SRRM1: variants seen among roughly 807,000 people sequenced by gnomAD.
The protein encoded by SRRM1 is serine and arginine repetitive matrix 1.
In SRRM1, 19 loss-of-function variants were observed where a neutral mutation model predicts 110.2. That is an observed-to-expected ratio of 0.17 (90% CI 0.12 to 0.25). The LOEUF (loss-of-function observed/expected upper bound fraction) is 0.25, where lower values mean the gene tolerates loss of function less well. SRRM1 is among the 10% of genes least tolerant of loss of function. The pLI, the probability that SRRM1 is intolerant of heterozygous loss-of-function variation, is 1.00. For synonymous variants in SRRM1, 443 were observed against 414.9 expected, an observed-to-expected ratio of 1.07 and a Z score of -0.82; for missense variants, 918 against 1,145.8, an observed-to-expected ratio of 0.80 and a Z score of 2.87.
intron 6 of SRRM1, 109 bp downstream of exon 6, chr1:24,651,721 T>G: frequency 4.2e-6 from 4 of 941,424 alleles, no homozygotes; most frequent in Non-Finnish European, 6.3e-6. Context: ...TTTAGATTTT[T>G]TAAATTATAA....
At chr1:24,653,164 A>G in intron 8 of SRRM1, 132 bp downstream of exon 8, 2 of 861,800 alleles carry the variant, frequency 2.3e-6, no homozygotes, top group Non-Finnish European at 3.4e-6. Flanking sequence ...TCTTCTAAAG[A>G]GTCTGTTTCA....
At chr1:24,661,136 A>G (rs1187553573) in intron 10 of SRRM1, among the ~76,000 whole-genome samples, 174 bp from the exon 11 acceptor site, 1 of 152,130 alleles carries the variant, frequency 6.6e-6, no homozygotes, top group African/African-American at 2.4e-5. Context: ...TTTGGTGAAG[A>G]TAGTCTAAAT....
rs564225598 is a variant in SRRM1, at chr1:24,661,507, C to CTT, written c.1483+112_1483+113insTT. On this transcript the variant is annotated intron_variant, in intron 11 of 16. Transcript: ENST00000323848. ...AGTACTTACTTGCCTACATAGAAAT[C>CTT]TGTCTGAGGAGGCAGGATTGTTTCT... 69 of 701,366 alleles carry CTT rather than the reference C, an allele frequency of 9.8e-5. 2 individuals are homozygous for CTT. The South Asian group carries it at 2.0e-3, about 20-fold the overall frequency. 43.4% of individuals were successfully genotyped at this position (701,366 alleles called of 1,614,324 possible).
intron 12 of SRRM1, chr1:24,663,037 T>C: frequency 1.1e-6 from 1 of 943,740 alleles, no homozygotes; most frequent in Non-Finnish European, 1.5e-6. Context: ...TGTGCATGAT[T>C]AGAAAAATAA....
At position 24,663,419 on chromosome 1, in the gene SRRM1, T is replaced by C. The variant is rs916599421; in HGVS notation, c.1628+615T>C. ...ATGATAGGGAGAATTATACATGAGC[T>C]ATTTGGTTTAGACCCTTATTTGAAC... On this transcript the variant is annotated intron_variant, in intron 12 of 16. Transcript: ENST00000323848. Among the ~76,000 whole-genome samples, 35 of 152,218 alleles carry C rather than the reference T, an allele frequency of 2.3e-4. 1 individual carries two copies. The highest frequency in any genetic ancestry group is 4.4e-5 in the Non-Finnish European group (3 of 68,044).
chr1:24,671,447 A>G lies in SRRM1; in HGVS notation c.2462A>G (p.Lys821Arg). 1.9e-6 allele frequency: 3 copies of G among 1,613,636 alleles called. No homozygotes were observed. The highest frequency in any genetic ancestry group is 2.5e-6 in the Non-Finnish European group (3 of 1,179,866). The stretch of plus-strand genomic sequence containing the variant: ...AAAAAGAAGGACAAGAAACACAAAA[A>G]GGATAAGAAGCACAAGAAGCACAAA... ...KKKKKDKKHK[K>R]DKKHKKHKKH... Residue 821 changes from lysine to arginine, a missense_variant, in exon 16 of 17, where the codon AAG becomes AGG. By Grantham distance (26) the Lys-to-Arg change is conservative (BLOSUM62 2). Around this residue, in one of 5 missense-constraint regions of SRRM1, gnomAD observed 62 missense variants for 127.6 expected, o/e 0.49. Transcript: ENST00000323848.
At chr1:24,650,259 G>T (rs1659864948) in intron 5 of SRRM1, among the ~76,000 whole-genome samples, 173 bp downstream of exon 5, 1 of 152,196 alleles carries the variant, frequency 6.6e-6, no homozygotes, top group South Asian at 2.1e-4. Context: ...TATTTTGTTT[G>T]AGACAGATAA....
Position 24,669,523 on chromosome 1 carries a change from C to T in SRRM1, c.2140C>T (p.Pro714Ser), listed in dbSNP as rs751989130. The change falls in exon 14 of 17, where the codon CCG becomes TCG. Residue 714 changes from proline to serine, a missense_variant. Pro to Ser is a moderately conservative substitution (Grantham distance 74, BLOSUM62 -1). Transcript: ENST00000323848. Reference sequence around the variant, plus strand: ...GTCATCACCCCAAAGAAGGCAGTCCCCGTCTCCAAGTACTAGGCCCATTAG... The same window carrying T: ...GTCATCACCCCAAAGAAGGCAGTCCTCGTCTCCAAGTACTAGGCCCATTAG... The part of the protein sequence containing the change: ...ASSSPQRRQS[P>S]SPSTRPIRRV... 4 of 1,609,092 alleles carry T rather than the reference C, an allele frequency of 2.5e-6. No individual in the cohort carries two copies. Among genetic ancestry groups the T allele is most frequent in the Admixed American group, 1.7e-5 (1 of 59,194 alleles).
chr1:24,670,528 C>T (rs1362610279), intron 15 of SRRM1, among the ~76,000 whole-genome samples: 4 of 152,162 alleles, frequency 2.6e-5, no homozygotes, highest in Non-Finnish European at 5.9e-5. Flanking sequence ...GACAGGGTCT[C>T]ATGCTGTCAC....
chr1:24,664,140 C>T (rs1047080317), intron 12 of SRRM1, among the ~76,000 whole-genome samples: 1 of 151,604 alleles, frequency 6.6e-6, no homozygotes, highest in Admixed American at 6.6e-5. Flanking sequence ...GGACTACAGG[C>T]ACATGCCACC....
chr1:24,643,410 AC>A, intron 1 of SRRM1, 63 bp downstream of exon 1: 1 of 1,443,538 alleles, frequency 6.9e-7, no homozygotes, highest in South Asian at 1.4e-5. Flanking sequence ...CTGGTAGGAG[AC>A]CTTAGCTTGG....
chr1:24,666,813 A>C lies in SRRM1; in HGVS notation c.1629-2A>C. ...AATTAACTATAATTCTTCTTGGTTT[A>C]GTGGTAGACGGAGGAGAAGTCCATC... On this transcript the variant is annotated splice_acceptor_variant, in intron 12 of 16. Transcript: ENST00000323848. LOFTEE classifies it high-confidence loss of function. 5 of 1,611,216 alleles carry C rather than the reference A, an allele frequency of 3.1e-6. No homozygotes were observed. Among genetic ancestry groups the C allele is most frequent in the Non-Finnish European group, 4.2e-6 (5 of 1,177,720 alleles).
chr1:24,666,385 A>G (rs1403865109), intron 12 of SRRM1, among the ~76,000 whole-genome samples: 1 of 152,204 alleles, frequency 6.6e-6, no homozygotes, highest in Non-Finnish European at 1.5e-5. Context: ...TCTGAAACTT[A>G]GTAACCATTG....
chr1:24,646,299 G>A lies in SRRM1; in HGVS notation c.111+226G>A, dbSNP rs954344475. On this transcript the variant is annotated intron_variant, in intron 2 of 16. Transcript: ENST00000323848. Reference sequence around the variant, plus strand: ...TCCCAGCACTTTGGGAGGCCGAGGCGGGCAAATCACAATGTCAGGAGATTG... The same window carrying A: ...TCCCAGCACTTTGGGAGGCCGAGGCAGGCAAATCACAATGTCAGGAGATTG... Among the ~76,000 whole-genome samples the A allele has an allele frequency of 2.6e-5, 4 of 152,072 alleles. No individual in the cohort carries two copies. In the South Asian group the frequency reaches 6.2e-4, roughly 24 times the overall value.
intron 3 of SRRM1, chr1:24,647,955 A>G (rs1370767944): frequency 6.6e-6 from 1 of 152,202 alleles, no homozygotes; most frequent in Non-Finnish European, 1.5e-5. Context: ...TAAAGTTTAG[A>G]ACTTTTTAAG....
intron 10 of SRRM1, 194 bp from the exon 11 acceptor site, chr1:24,661,116 T>C (rs1471954828): frequency 1.8e-6 from 1 of 550,296 alleles, no homozygotes; most frequent in African/African-American, 1.9e-5. Context: ...CCTAAATAAA[T>C]TTTATTATAT....
chr1:24,662,349 C>T (rs1667697643), intron 11 of SRRM1, among the ~76,000 whole-genome samples: 1 of 152,174 alleles, frequency 6.6e-6, no homozygotes, highest in African/African-American at 2.4e-5. Context: ...TCAGGAGGCA[C>T]AAGCGGTCTT....
At chr1:24,667,322 A>C (rs961313788) in intron 13 of SRRM1, among the ~76,000 whole-genome samples, 12 of 152,354 alleles carry the variant, frequency 7.9e-5, no homozygotes, top group African/African-American at 2.9e-4. Context: ...AAATGGGTAA[A>C]TAGGTAGATT....
At chr1:24,657,087 C>T (rs974953315) in intron 9 of SRRM1, among the ~76,000 whole-genome samples, 3 of 152,130 alleles carry the variant, frequency 2.0e-5, no homozygotes, top group African/African-American at 7.2e-5. Flanking sequence ...CTCCCCACCA[C>T]CCCGCTAAAT....
Sources: allele counts gnomAD v4.1 joint callset (sites outside exome capture counted in the v4.1 genomes callset), GRCh38; gene constraint gnomAD v4.1.1; regional missense constraint gnomAD v4.1.1; transcripts MANE v1.5; gene names NCBI Gene and HGNC (gene_info 2026-07-23, HGNC 2026-07-21).